The following MCM8 variants were observed in gnomAD, a reference collection of about 807,000 sequenced individuals.
The protein encoded by MCM8 is minichromosome maintenance 8 homologous recombination repair factor.
In MCM8, 85 loss-of-function variants were observed where a neutral mutation model predicts 98.9. The ratio of observed to expected loss-of-function variants is 0.86; its 90% CI spans 0.72 to 1.03. The LOEUF (loss-of-function observed/expected upper bound fraction) is 1.03. Ranked by LOEUF, MCM8 falls within the 50% of genes least tolerant of loss-of-function variation. The pLI is 0.00. For synonymous variants in MCM8, 352 were observed against 338.6 expected (o/e 1.04, Z -0.44); for missense variants, 951 against 997.8 (o/e 0.95, Z 0.63).
At chr20:5,989,256 A>G (rs2122828585) in intron 17 of MCM8, among the ~76,000 whole-genome samples, 1 of 151,558 alleles carries the variant, frequency 6.6e-6, no homozygotes, top group South Asian at 2.1e-4. Context: ...AGCTGGGACT[A>G]CAGGTGCATG....
intron 12 of MCM8, among the ~76,000 whole-genome samples, chr20:5,974,275 CAT>C (rs1344349112): frequency 6.6e-6 from 1 of 152,136 alleles, no homozygotes; most frequent in Non-Finnish European, 1.5e-5. Context: ...GGACTATAGA[CAT>C]GTGCCACCAT....
Position 5,976,070 on chromosome 20 carries a change from CTT to C in MCM8, c.1396-1804_1396-1803del, listed in dbSNP as rs1447945536. ...GTGGCTCATGCCTGTAATCCCAACA[CTT>C]TGGCAGGCCAAGGCAGGAGGACCAA... On this transcript the variant is annotated intron_variant, in intron 12 of 18. Transcript: ENST00000610722. Among the ~76,000 whole-genome samples, 4 of 152,316 alleles carry C rather than the reference CTT, an allele frequency of 2.6e-5. No individual in the cohort carries two copies. In the South Asian group the frequency reaches 6.2e-4, roughly 24 times the overall value.
At chr20:5,973,517 A>G (rs1283125700) in intron 12 of MCM8, among the ~76,000 whole-genome samples, 2 of 152,228 alleles carry the variant, frequency 1.3e-5, no homozygotes, top group Non-Finnish European at 2.9e-5. Context: ...CTATGAACAG[A>G]ATAGTTCAGG....
Position 5,972,007 on chromosome 20 carries a change from C to T in MCM8, c.1224C>T (p.Asn408=), listed in dbSNP as rs763874134. The change falls in exon 11 of 19, where the codon AAC becomes AAT. Residue 408 remains asparagine, a splice_region_variant and synonymous_variant. Transcript: ENST00000610722. ...AEENLFKLIV[N]SLCPVIFGHE... ...TTATAAGTTGTGTTCTGTTTTTCAG[C>T]TCGCTTTGCCCTGTCATTTTTGGTC... 42 of 1,611,124 alleles carry T rather than the reference C, an allele frequency of 2.6e-5. No homozygotes were observed. In the Admixed American group the frequency reaches 6.4e-4, roughly 24 times the overall value.
intron 17 of MCM8, among the ~76,000 whole-genome samples, chr20:5,988,196 C>T (rs978581781): frequency 3.9e-5 from 6 of 152,068 alleles, no homozygotes; most frequent in African/African-American, 1.2e-4. Context: ...TATGGTGGCT[C>T]ACACCTGTAA....
intron 17 of MCM8, chr20:5,990,864 T>C (rs1033613782): frequency 6.6e-6 from 1 of 152,256 alleles, no homozygotes; most frequent in African/African-American, 2.4e-5. Flanking sequence ...TGCATCTTGC[T>C]TTCTCTGCAT....
chr20:5,978,590 G>A (rs1324512171), intron 13 of MCM8, among the ~76,000 whole-genome samples: 3 of 151,048 alleles, frequency 2.0e-5, no homozygotes, highest in African/African-American at 4.8e-5. Context: ...ATGAGACAGA[G>A]TCTTGCTCTG....
intron 7 of MCM8, among the ~76,000 whole-genome samples, chr20:5,959,986 T>C (rs551495597): frequency 2.0e-5 from 3 of 152,238 alleles, no homozygotes; most frequent in South Asian, 2.1e-4. Context: ...GCTGTACTTA[T>C]TTTTAACTGT....
chr20:5,959,003 A>C (rs236120), intron 7 of MCM8, among the ~76,000 whole-genome samples: 33,951 of 152,018 alleles, frequency 0.22, 5,383 homozygotes, highest in African/African-American at 0.45. Flanking sequence ...TTTTTTACCT[A>C]TACCATTCCC....
At chr20:5,972,119 A>G in intron 11 of MCM8, 82 bp downstream of exon 11, 1 of 1,038,318 alleles carries the variant, frequency 9.6e-7, no homozygotes, top group East Asian at 2.5e-5. Context: ...GAAAGTAGCA[A>G]ATTTCTATTG....
At chr20:5,955,301 C>T in intron 5 of MCM8, 50 bp downstream of exon 5, 2 of 1,473,606 alleles carry the variant, frequency 1.4e-6, no homozygotes, top group Non-Finnish European at 1.9e-6. Context: ...TTAATGTTTG[C>T]ACACACATGC....
chr20:5,952,554 C>A, intron 3 of MCM8, 26 bp downstream of exon 3: 1 of 1,561,242 alleles, frequency 6.4e-7, no homozygotes, highest in Non-Finnish European at 8.8e-7. Context: ...TACAAAAAAG[C>A]ACCATAAATC....
intron 13 of MCM8, 85 bp from the exon 14 acceptor site, chr20:5,982,885 A>G: frequency 1.8e-6 from 2 of 1,116,988 alleles, no homozygotes; most frequent in Non-Finnish European, 2.6e-6. Context: ...GGAAATAATT[A>G]TTGTGAAACA....
chr20:5,985,457 A>G (rs1424836738), intron 15 of MCM8, among the ~76,000 whole-genome samples: 4 of 151,126 alleles, frequency 2.6e-5, no homozygotes, highest in Non-Finnish European at 4.4e-5. Flanking sequence ...AAAAAAAAAA[A>G]AGGAATCTAA....
At chr20:5,957,299 T>C in intron 6 of MCM8, 70 bp downstream of exon 6, 1 of 1,139,920 alleles carries the variant, frequency 8.8e-7, no homozygotes, top group Non-Finnish European at 1.3e-6. Flanking sequence ...ATGAAAACGC[T>C]CATTTTATAA....
intron 12 of MCM8, among the ~76,000 whole-genome samples, chr20:5,977,481 C>G (rs1469785735): frequency 6.6e-6 from 1 of 152,212 alleles, no homozygotes; most frequent in Non-Finnish European, 1.5e-5. Context: ...TATTAAGTCA[C>G]TTTATTACCT....
intron 10 of MCM8, among the ~76,000 whole-genome samples, chr20:5,969,518 G>A (rs1420732637): frequency 6.6e-6 from 1 of 151,788 alleles, no homozygotes; most frequent in Non-Finnish European, 1.5e-5. Context: ...CTTGAACCTG[G>A]GAGGCGGAGG....
In MCM8 at chr20:5,950,746, A is replaced by G. The variant is rs1354780654; in HGVS notation, c.-283A>G. 9.8e-6 allele frequency: 2 copies of G among 205,072 alleles called. No individual in the cohort carries two copies. Among genetic ancestry groups the G allele is most frequent in the Non-Finnish European group, 2.0e-5 (2 of 100,828 alleles). The allele number at this position is 205,072 out of a possible 1,614,324, so 12.7% of individuals were successfully genotyped here. A position where few individuals can be genotyped will look rare whatever the true frequency, so the allele number is the denominator to read the frequency against. ...GCATTTTTGCGGCGCTGTGCGCTAC[A>G]GACACCTTCTGGAAGCTGCGGTGGG... On this transcript the variant is annotated 5_prime_UTR_variant, in exon 1 of 19. Transcript: ENST00000610722.
intron 8 of MCM8, chr20:5,965,211 T>G (rs1180337956): frequency 6.6e-6 from 1 of 152,230 alleles, no homozygotes; most frequent in Non-Finnish European, 1.5e-5. Context: ...ATAAATAATA[T>G]GAGCTTCTGA....
Sources: allele counts gnomAD v4.1 joint callset (sites outside exome capture counted in the v4.1 genomes callset), GRCh38; gene constraint gnomAD v4.1.1; transcripts MANE v1.5; gene names NCBI Gene and HGNC (gene_info 2026-07-23, HGNC 2026-07-21).